GNG2: variants seen among roughly 807,000 people sequenced by gnomAD.
The protein encoded by GNG2 is guanine nucleotide-binding protein G(I)/G(S)/G(O) subunit gamma-2.
Under a neutral mutation model 5.5 loss-of-function variants are expected in GNG2, and 5 were observed. That is an observed-to-expected ratio of 0.91 (90% CI 0.48 to 1.92). GNG2 has a LOEUF of 1.92. GNG2 is among the 30% of genes most tolerant of loss of function. The probability of loss-of-function intolerance (pLI) is 0.01; values close to 1 mark genes in which losing one functional copy is unlikely to be tolerated. For synonymous variants in GNG2, 28 were observed against 32.0 expected (o/e 0.88, Z 0.42); for missense variants, 55 against 88.4 (o/e 0.62, Z 1.52).
chr14:51,840,017 G>A (rs1223176178), intron 2 of GNG2, among the ~76,000 whole-genome samples: 2 of 152,164 alleles, frequency 1.3e-5, no homozygotes, highest in Non-Finnish European at 2.9e-5. Flanking sequence ...TTAGAAATGT[G>A]TTATAGTTTT....
rs745510243 is a variant in GNG2, at chr14:51,875,939, A to ATTTTTTTTTTTT, written c.-70-1671_-70-1670insTTTTTTTTTTTT. ...AAATGCATTTTTTCATCATTTAAAC[A>ATTTTTTTTTTTT]TTTTTTTCTTTTTTCCGAGACAGAC... On this transcript the variant is annotated intron_variant, in intron 1 of 3. Transcript: ENST00000556766. 5.5e-4 allele frequency among the ~76,000 whole-genome samples: 46 copies of ATTTTTTTTTTTT among 83,602 alleles called. 2 individuals carry two copies. Among genetic ancestry groups the ATTTTTTTTTTTT allele is most frequent in the Middle Eastern group, 0.012 (2 of 166 alleles). The allele number at this position is 83,602 out of a possible 152,430, so 54.8% of individuals were successfully genotyped here.
intron 2 of GNG2, among the ~76,000 whole-genome samples, chr14:51,914,593 C>T (rs544344945): frequency 6.6e-6 from 1 of 152,128 alleles, no homozygotes; most frequent in Non-Finnish European, 1.5e-5. Context: ...GTGCTTATCT[C>T]TAATTAATTA....
chr14:51,959,109 C>T (rs532183870), intron 3 of GNG2, among the ~76,000 whole-genome samples: 1 of 152,262 alleles, frequency 6.6e-6, no homozygotes, highest in South Asian at 2.1e-4. Flanking sequence ...TCTAGTTTGT[C>T]TTAGGCTCTC....
chr14:51,889,928 A>T (rs1884738879), intron 2 of GNG2, among the ~76,000 whole-genome samples: 1 of 152,254 alleles, frequency 6.6e-6, no homozygotes, highest in African/African-American at 2.4e-5. Context: ...AGTTAACTAG[A>T]TACAGGATAT....
chr14:51,837,308 T>A (rs17831355), intron 2 of GNG2, among the ~76,000 whole-genome samples: 8 of 152,092 alleles, frequency 5.3e-5, no homozygotes, highest in Non-Finnish European at 1.0e-4. Flanking sequence ...CAAACACTTA[T>A]TATGAGCAAA....
intron 2 of GNG2, among the ~76,000 whole-genome samples, chr14:51,834,516 T>G (rs1881282418): frequency 6.6e-6 from 1 of 152,234 alleles, no homozygotes; most frequent in Admixed American, 6.5e-5. Flanking sequence ...AAGGTGCTAA[T>G]GTTATTCCCT....
intron 2 of GNG2, among the ~76,000 whole-genome samples, chr14:51,844,744 G>A (rs1222982873): frequency 3.3e-5 from 5 of 151,368 alleles, no homozygotes; most frequent in Non-Finnish European, 5.9e-5. Context: ...TTCTTTTTTT[G>A]AGGCAGAGTC....
chr14:51,908,911 G>A (rs1027663787), intron 2 of GNG2, among the ~76,000 whole-genome samples: 26 of 151,636 alleles, frequency 1.7e-4, no homozygotes, highest in Non-Finnish European at 2.9e-5. Context: ...CTTTTATAAT[G>A]TAAATTTGAT....
chr14:51,947,522 C>T (rs1301807935), intron 2 of GNG2, among the ~76,000 whole-genome samples: 1 of 151,850 alleles, frequency 6.6e-6, no homozygotes, highest in Non-Finnish European at 1.5e-5. Context: ...GGCCAAGAGC[C>T]AAGAAAAGCT....
chr14:51,854,100 C>T (rs922344097), intron 2 of GNG2, among the ~76,000 whole-genome samples: 12 of 152,194 alleles, frequency 7.9e-5, no homozygotes, highest in South Asian at 6.2e-4. Flanking sequence ...TCTCAAACTC[C>T]TGACCTCAGG....
chr14:51,929,538 C>A (rs1206845721), intron 2 of GNG2, among the ~76,000 whole-genome samples: 1 of 152,154 alleles, frequency 6.6e-6, no homozygotes, highest in African/African-American at 2.4e-5. Flanking sequence ...GAAAGAATAC[C>A]AGGCATTAGT....
chr14:51,827,854 C>A, intron 2 of GNG2: 1 of 637,370 alleles, frequency 1.6e-6, no homozygotes, highest in East Asian at 2.8e-5. Context: ...AAGAGGAAAA[C>A]GTTGAAGTGT....
chr14:51,937,593 C>G (rs1594938305), intron 2 of GNG2, among the ~76,000 whole-genome samples: 1 of 149,438 alleles, frequency 6.7e-6, no homozygotes, highest in Non-Finnish European at 1.5e-5. Context: ...CCGAAAATGG[C>G]TATGTATTTC....
chr14:51,961,057 C>T (rs1410270048), intron 3 of GNG2, among the ~76,000 whole-genome samples: 2 of 152,146 alleles, frequency 1.3e-5, no homozygotes, highest in African/African-American at 2.4e-5. Context: ...TGGGTACTCC[C>T]TCCCTGTGCA....
chr14:51,877,226 C>T (rs1451301943), intron 1 of GNG2, among the ~76,000 whole-genome samples: 1 of 152,154 alleles, frequency 6.6e-6, no homozygotes, highest in Admixed American at 6.5e-5. Context: ...GTCTCTGCTG[C>T]TTTGGTCATG....
chr14:51,866,412 T>C (rs1188062460), intron 1 of GNG2, among the ~76,000 whole-genome samples: 1 of 152,218 alleles, frequency 6.6e-6, no homozygotes, highest in East Asian at 1.9e-4. Context: ...GCGTTAGAAG[T>C]GACCTCACTT....
intron 2 of GNG2, among the ~76,000 whole-genome samples, chr14:51,903,228 T>C (rs1566675765): frequency 6.6e-6 from 1 of 152,224 alleles, no homozygotes; most frequent in Non-Finnish European, 1.5e-5. Context: ...AGTGATTATA[T>C]TTACCTCCAG....
At chr14:51,864,718 C>G (rs1019719145) in intron 1 of GNG2, among the ~76,000 whole-genome samples, 1 of 152,130 alleles carries the variant, frequency 6.6e-6, no homozygotes, top group African/African-American at 2.4e-5. Context: ...CAGTGCTTTT[C>G]TGGTCCCCTC....
At chr14:51,926,999 T>C (rs1306734124) in intron 2 of GNG2, among the ~76,000 whole-genome samples, 1 of 152,200 alleles carries the variant, frequency 6.6e-6, no homozygotes, top group Non-Finnish European at 1.5e-5. Context: ...TGGGATCAAA[T>C]TTCTATTACT....
Sources: allele counts gnomAD v4.1 joint callset (sites outside exome capture counted in the v4.1 genomes callset), GRCh38; gene constraint gnomAD v4.1.1; transcripts MANE v1.5; gene names NCBI Gene and HGNC (gene_info 2026-07-23, HGNC 2026-07-21).